Variants in SMC1B observed in about 807,000 individuals in gnomAD.
The protein encoded by SMC1B is structural maintenance of chromosomes 1B, also known as structural maintenance of chromosomes protein 1B.
SMC1B carries 60 observed loss-of-function variants against 157.9 expected under a neutral mutation model. The ratio of observed to expected loss-of-function variants is 0.38; its 90% CI spans 0.31 to 0.47. SMC1B has a LOEUF of 0.47. Ranked by LOEUF, SMC1B falls within the 20% of genes least tolerant of loss-of-function variation. The pLI, the probability that SMC1B is intolerant of heterozygous loss-of-function variation, is 0.99. For synonymous variants in SMC1B, 445 were observed against 483.0 expected, an observed-to-expected ratio of 0.92 and a Z score of 1.03; for missense variants, 1,165 against 1,426.2, an observed-to-expected ratio of 0.82 and a Z score of 2.95.
chr22:45,368,946 TA>T (rs1332325880), intron 15 of SMC1B, among the ~76,000 whole-genome samples: 3 of 152,296 alleles, frequency 2.0e-5, no homozygotes, highest in African/African-American at 7.2e-5. Context: ...ATGGGGTGGG[TA>T]GGAAGCCTTT....
intron 12 of SMC1B, among the ~76,000 whole-genome samples, chr22:45,377,792 T>C (rs2086897600): frequency 6.6e-6 from 1 of 151,958 alleles, no homozygotes; most frequent in Admixed American, 6.6e-5. Flanking sequence ...TGCCTTGGCT[T>C]CCCAAAGTGC....
At position 45,409,611 on chromosome 22, in the gene SMC1B, A is replaced by AATAAAAC. The variant is rs1341383331; in HGVS notation, c.110-714_110-713insGTTTTAT. ...AAATAAATAAATAAATAAATAAATA[A>AATAAAAC]AAACAAGAGAAGCTAACTAAATCCA... On this transcript the variant is annotated intron_variant, in intron 1 of 24. Transcript: ENST00000357450. Among the ~76,000 whole-genome samples the AATAAAAC allele has an allele frequency of 2.1e-4, 8 of 38,816 alleles. No individual in the cohort carries two copies. In the Admixed American group the frequency reaches 2.4e-3, roughly 12 times the overall value. 25.5% of individuals were successfully genotyped at this position (38,816 alleles called of 152,430 possible).
intron 4 of SMC1B, 143 bp downstream of exon 4, chr22:45,406,317 A>C (rs1277362224): frequency 3.1e-6 from 2 of 651,472 alleles, no homozygotes; most frequent in Non-Finnish European, 4.9e-6. Flanking sequence ...TACATCAAAA[A>C]GTTTATCTTA....
At position 45,413,363 on chromosome 22, in the gene SMC1B, CG is replaced by C. The variant is rs150726314; in HGVS notation, c.109+95del. ...GACTGGAAGGGGAAGGCCGGCCAGG[CG>C]CCCGCGGCAGACGCCCACACCCCAC... is the stretch of plus-strand genomic sequence containing the variant. On this transcript the variant is annotated intron_variant, in intron 1 of 24. Transcript: ENST00000357450. The C allele has an allele frequency of 4.3e-3, 4,114 of 963,252 alleles. 96 individuals carry two copies. In the African/African-American group the frequency reaches 0.055, roughly 13 times the overall value. 59.7% of individuals were successfully genotyped at this position (963,252 alleles called of 1,614,324 possible).
chr22:45,373,983 G>C (rs889734564), intron 12 of SMC1B, among the ~76,000 whole-genome samples: 1 of 151,376 alleles, frequency 6.6e-6, no homozygotes, highest in African/African-American at 2.4e-5. Flanking sequence ...TCAAAAAGGT[G>C]AACAATTTTT....
At chr22:45,396,527 A>C in intron 6 of SMC1B, 41 bp from the exon 7 acceptor site, 1 of 1,567,262 alleles carries the variant, frequency 6.4e-7, no homozygotes, top group Non-Finnish European at 8.6e-7. Context: ...TCACCTTAAG[A>C]AGCATGAGAG....
intron 12 of SMC1B, among the ~76,000 whole-genome samples, chr22:45,373,355 C>T (rs1056337525): frequency 6.6e-6 from 1 of 152,194 alleles, no homozygotes; most frequent in Non-Finnish European, 1.5e-5. Flanking sequence ...TTACTTTCTC[C>T]AGATGTGCCA....
At chr22:45,369,000 T>C (rs980604961) in intron 15 of SMC1B, among the ~76,000 whole-genome samples, 1 of 152,362 alleles carries the variant, frequency 6.6e-6, no homozygotes, top group Admixed American at 6.5e-5. Context: ...TAGATTTTTC[T>C]ATCTTGAGAT....
chr22:45,354,547 C>T (rs558763268), intron 20 of SMC1B, among the ~76,000 whole-genome samples: 2 of 152,214 alleles, frequency 1.3e-5, no homozygotes, highest in South Asian at 2.1e-4. Flanking sequence ...TGTGCCACCA[C>T]ACCCAACTAA....
chr22:45,375,991 C>T (rs1242592194), intron 12 of SMC1B, among the ~76,000 whole-genome samples: 1 of 152,028 alleles, frequency 6.6e-6, no homozygotes, highest in Non-Finnish European at 1.5e-5. Flanking sequence ...GCTGTAAGCC[C>T]ATCTGGTCCC....
At position 45,406,442 on chromosome 22, in the gene SMC1B, A is replaced by T. The variant is rs531120619; in HGVS notation, c.615+18T>A. 1.3e-6 allele frequency: 2 copies of T among 1,595,630 alleles called. No individual in the cohort carries two copies. Among genetic ancestry groups the T allele is most frequent in the East Asian group, 2.2e-5 (1 of 44,780 alleles). The stretch of plus-strand genomic sequence containing the variant: ...TTTATATCCAACAACTAATGGTTAC[A>T]TCTTCATGACATCTTACCTCTTCCT... On this transcript the variant is annotated intron_variant, in intron 4 of 24. Transcript: ENST00000357450.
chr22:45,387,153 A>G (rs777573836), intron 10 of SMC1B, 107 bp from the exon 11 acceptor site: 67 of 997,896 alleles, frequency 6.7e-5, no homozygotes, highest in Non-Finnish European at 9.1e-5. Flanking sequence ...GCAAAAGATC[A>G]ACAGTATGTA....
At chr22:45,384,137 T>C (rs1378878306) in intron 11 of SMC1B, among the ~76,000 whole-genome samples, 1 of 152,186 alleles carries the variant, frequency 6.6e-6, no homozygotes, top group Non-Finnish European at 1.5e-5. Context: ...ATTTCCCATA[T>C]GAGTGAGGTT....
Position 45,355,249 on chromosome 22 carries a change from G to C in SMC1B, c.2962-134C>G, listed in dbSNP as rs992419240. The stretch of plus-strand genomic sequence containing the variant: ...TCCTTCTCTCCCCAAAGCCCTCTCT[G>C]AGCCTGGAGGTGCAGTCCTGCTGCA... On this transcript the variant is annotated intron_variant, in intron 19 of 24. Coordinates refer to ENST00000357450, the MANE Select transcript of SMC1B (RefSeq NM_148674.5). The C allele has an allele frequency of 2.3e-5, 18 of 793,306 alleles. No homozygotes were observed. The Admixed American group carries it at 3.7e-4, about 16-fold the overall frequency. The allele number at this position is 793,306 out of a possible 1,614,324, so 49.1% of individuals were successfully genotyped here. A position where few individuals can be genotyped will look rare whatever the true frequency, so the allele number is the denominator to read the frequency against.
rs1439843149 is a variant in SMC1B at position 45,387,010 on chromosome 22, C to T, written c.1768G>A (p.Gly590Ser). Residue 590 changes from glycine to serine, a missense_variant, in exon 11 of 25, where the codon GGC (glycine) becomes AGC (serine). By Grantham distance (56) the Gly-to-Ser change is moderately conservative. Transcript: ENST00000357450. ...ATGACATCAATCACCATTTTACAGCCTTTAAGCTCCCTTAGTCTTTCATTG... is the reference window on the plus strand; with the variant it reads ...ATGACATCAATCACCATTTTACAGCTTTTAAGCTCCCTTAGTCTTTCATTG... Reference protein sequence around the residue: ...PINERLRELKGCKMVIDVIKT... With the variant: ...PINERLRELKSCKMVIDVIKT... The T allele has an allele frequency of 1.2e-6, 2 of 1,613,918 alleles. No homozygotes were observed. The highest frequency in any genetic ancestry group is 2.7e-5 in the African/African-American group (2 of 75,040).
intron 1 of SMC1B, among the ~76,000 whole-genome samples, chr22:45,411,462 T>C (rs993118278): frequency 3.9e-5 from 6 of 152,240 alleles, no homozygotes; most frequent in Non-Finnish European, 8.8e-5. Context: ...GAGTGATTGC[T>C]AATGAGTACA....
intron 12 of SMC1B, among the ~76,000 whole-genome samples, chr22:45,377,465 C>T (rs2086894019): frequency 6.6e-6 from 1 of 151,358 alleles, no homozygotes; most frequent in African/African-American, 2.4e-5. Context: ...GGTGAAACCC[C>T]GTCTCTACTA....
chr22:45,385,617 G>T (rs2146818418), intron 11 of SMC1B, among the ~76,000 whole-genome samples: 1 of 152,146 alleles, frequency 6.6e-6, no homozygotes, highest in South Asian at 2.1e-4. Context: ...ATAAATATTT[G>T]TTATATGAAG....
intron 19 of SMC1B, among the ~76,000 whole-genome samples, chr22:45,355,743 C>T (rs2086663753): frequency 6.6e-6 from 1 of 152,024 alleles, no homozygotes; most frequent in East Asian, 1.9e-4. Flanking sequence ...CCACGCCCTT[C>T]CAGAAGCTTT....
Sources: gnomAD v4.1 joint callset for allele counts (sites outside exome capture counted in the v4.1 genomes callset) on GRCh38, gnomAD v4.1.1 for gene constraint, MANE v1.5 for transcripts, NCBI Gene and HGNC (gene_info 2026-07-23, HGNC 2026-07-21) for gene names.